Variants in TCL1A observed in about 807,000 individuals in gnomAD.
The protein encoded by TCL1A is TCL1 family AKT coactivator A, also known as T-cell leukemia/lymphoma protein 1A.
A neutral mutation model predicts 16.9 loss-of-function variants in TCL1A; 9 were observed. The observed-to-expected ratio is 0.53, with a 90% CI of 0.32 to 0.93. TCL1A has a LOEUF of 0.93. Among genes scored for constraint, TCL1A ranks in the 40% least tolerant of loss-of-function variants. The probability of loss-of-function intolerance (pLI) is 0.04; values close to 1 mark genes in which losing one functional copy is unlikely to be tolerated. For missense variants in TCL1A, 139 were observed against 153.0 expected, an observed-to-expected ratio of 0.91 and a Z score of 0.48; for synonymous variants, 69 against 63.2, an observed-to-expected ratio of 1.09 and a Z score of -0.44.
chr14:95,711,996 C>CTAGCCGCA, intron 2 of TCL1A, 194 bp from the exon 3 acceptor site: 1 of 868,010 alleles, frequency 1.2e-6, no homozygotes, highest in Non-Finnish European at 1.7e-6. Flanking sequence ...TGTCTTCCTG[C>CTAGCCGCA]GGCTAGCTGG....
intron 1 of TCL1A, among the ~76,000 whole-genome samples, chr14:95,713,181 T>C (rs2139722064): frequency 6.6e-6 from 1 of 152,198 alleles, no homozygotes; most frequent in Admixed American, 6.5e-5. Context: ...TGTGCCTCAG[T>C]TTCCCATCTG....
intron 1 of TCL1A, among the ~76,000 whole-genome samples, chr14:95,713,446 T>G (rs57097455): frequency 6.6e-6 from 1 of 152,202 alleles, no homozygotes; most frequent in Admixed American, 6.5e-5. Context: ...TACCGGCGCT[T>G]ATACTACGAC....
At chr14:95,713,483 T>A (rs546930386) in intron 1 of TCL1A, among the ~76,000 whole-genome samples, 2 of 152,294 alleles carry the variant, frequency 1.3e-5, no homozygotes, top group East Asian at 1.9e-4. Context: ...GTTTTCTAAA[T>A]AAAGCCCAGA....
At position 95,713,984 on chromosome 14, in the gene TCL1A, T is replaced by C. The variant is rs1595068351; in HGVS notation, c.83A>G (p.Asp28Gly). The C allele has an allele frequency of 6.2e-7, 1 of 1,614,034 alleles. No individual in the cohort carries two copies. The highest frequency in any genetic ancestry group is 8.5e-7 in the Non-Finnish European group (1 of 1,180,010). ...LWAWEKFVYLDEKQHAWLPLT... is the reference protein window; with the variant it reads ...LWAWEKFVYLGEKQHAWLPLT... ...GGGCAGCCAGGCGTGCTGCTTCTCG[T>C]CCAAATACACGAACTTCTCCCAGGC... The change falls in exon 1 of 4, where the codon GAC (aspartate) becomes GGC (glycine). Residue 28 changes from aspartate to glycine, a missense_variant. Coordinates refer to ENST00000402399, the MANE Select transcript of TCL1A (RefSeq NM_021966.3).
chr14:95,713,254 T>G, intron 1 of TCL1A, among the ~76,000 whole-genome samples: 1 of 152,324 alleles, frequency 6.6e-6, no homozygotes, highest in Middle Eastern at 3.4e-3. Context: ...TCTAATATAT[T>G]TTTTAATTTT....
chr14:95,713,576 T>G (rs139184818), intron 1 of TCL1A, among the ~76,000 whole-genome samples: 4 of 152,222 alleles, frequency 2.6e-5, no homozygotes, highest in Admixed American at 6.5e-5. Flanking sequence ...TTTTTAAAAA[T>G]ACAGATTTCT....
intron 1 of TCL1A, among the ~76,000 whole-genome samples, chr14:95,713,097 T>C (rs2139721919): frequency 6.6e-6 from 1 of 152,352 alleles, no homozygotes; most frequent in Admixed American, 6.5e-5. Context: ...AATGCAGATT[T>C]TGTGGTGGTT....
chr14:95,713,562 G>T (rs187560020), intron 1 of TCL1A, among the ~76,000 whole-genome samples: 5 of 152,204 alleles, frequency 3.3e-5, no homozygotes, highest in South Asian at 2.1e-4. Context: ...ACTGTTGAGG[G>T]TTCTTTTTAA....
chr14:95,713,577 A>G (rs1886445297), intron 1 of TCL1A, among the ~76,000 whole-genome samples: 1 of 152,284 alleles, frequency 6.6e-6, no homozygotes, highest in East Asian at 1.9e-4. Context: ...TTTTAAAAAT[A>G]CAGATTTCTG....
chr14:95,713,760 C>T (rs141627266), intron 1 of TCL1A, among the ~76,000 whole-genome samples, 187 bp downstream of exon 1: 3 of 152,276 alleles, frequency 2.0e-5, no homozygotes, highest in Admixed American at 6.5e-5. Flanking sequence ...TTGCGGTTTT[C>T]CCACCCTTCT....
chr14:95,714,108 C>T lies in TCL1A; in HGVS notation c.-42G>A, dbSNP rs752906787. The T allele has an allele frequency of 3.0e-5, 48 of 1,607,012 alleles. No individual in the cohort carries two copies. The highest frequency in any genetic ancestry group is 4.1e-5 in the Non-Finnish European group (48 of 1,178,020). ...CTAAGAAGCAAGAGCCAGAGCCTCTCAAGGCCGCTCGCTGGTCCCTGGGAT... is the reference window on the plus strand; with the variant it reads ...CTAAGAAGCAAGAGCCAGAGCCTCTTAAGGCCGCTCGCTGGTCCCTGGGAT... On this transcript the variant is annotated 5_prime_UTR_variant, in exon 1 of 4. Coordinates refer to ENST00000402399, the MANE Select transcript of TCL1A (RefSeq NM_021966.3).
intron 1 of TCL1A, among the ~76,000 whole-genome samples, chr14:95,713,555 G>A (rs753631296): frequency 6.6e-6 from 1 of 152,264 alleles, no homozygotes; most frequent in African/African-American, 2.4e-5. Context: ...ACCCTAAACT[G>A]TTGAGGGTTC....
intron 1 of TCL1A, among the ~76,000 whole-genome samples, 179 bp downstream of exon 1, chr14:95,713,768 T>C (rs1276222321): frequency 6.6e-6 from 1 of 152,258 alleles, no homozygotes; most frequent in Admixed American, 6.5e-5. Flanking sequence ...TTCCCACCCT[T>C]CTTCCCTGCC....
In TCL1A at chr14:95,711,821, G is replaced by C. The variant is rs370455598; in HGVS notation, c.298-19C>G. On this transcript the variant is annotated intron_variant, in intron 2 of 3. Transcript: ENST00000402399. ...CGTCAATCTGAGAGGCAGAGAGAGA[G>C]AGAAGGCATTGATCGGCCAGAGCCC... 6.2e-6 allele frequency: 10 copies of C among 1,607,814 alleles called. No individual in the cohort carries two copies. The highest frequency in any genetic ancestry group is 8.5e-6 in the Non-Finnish European group (10 of 1,179,794).
chr14:95,712,322 G>C lies in TCL1A; in HGVS notation c.195C>G (p.Thr65=), dbSNP rs200758121. 5.0e-6 allele frequency: 8 copies of C among 1,614,126 alleles called. No homozygotes were observed. The highest frequency in any genetic ancestry group is 6.8e-6 in the Non-Finnish European group (8 of 1,180,014). The change falls in exon 2 of 4, where the codon ACC becomes ACG. Residue 65 remains threonine (T), a synonymous_variant. Coordinates refer to ENST00000402399, the MANE Select transcript of TCL1A (RefSeq NM_021966.3). ...TAGGCAGCAGGCTTGGGCCTATCTGGGTGGGGGTCATAGGCCTCCCCAGGA... is the reference window on the plus strand; with the variant it reads ...TAGGCAGCAGGCTTGGGCCTATCTGCGTGGGGGTCATAGGCCTCCCCAGGA... The part of the protein sequence containing the change: ...DVVLGRPMTP[T]QIGPSLLPIM...
Position 95,711,467 on chromosome 14 carries a change from C to CAAA in TCL1A, c.*6+279_*6+281dup, listed in dbSNP as rs1305960722. On this transcript the variant is annotated intron_variant, in intron 3 of 3. Transcript: ENST00000402399. ...CTGGGCCACAGAGCCAGACTCATCTCAAAAAAAAAAAAAAGCAATGGTAAA... is the reference window on the plus strand; with the variant it reads ...CTGGGCCACAGAGCCAGACTCATCTCAAAAAAAAAAAAAAAAAGCAATGGTAAA... 360 of 252,758 alleles carry CAAA rather than the reference C, an allele frequency of 1.4e-3. 4 individuals are homozygous for CAAA. The highest frequency in any genetic ancestry group is 9.5e-3 in the African/African-American group (334 of 35,140). 15.7% of individuals were successfully genotyped at this position (252,758 alleles called of 1,614,324 possible). A position where few individuals can be genotyped will look rare whatever the true frequency, so the allele number is the denominator to read the frequency against.
intron 1 of TCL1A, chr14:95,712,801 GAA>G (rs1566747177): frequency 5.8e-6 from 4 of 690,604 alleles, no homozygotes; most frequent in Non-Finnish European, 6.5e-6. Context: ...AAACAACAAA[GAA>G]AGAAAGAGAG....
Position 95,710,749 on chromosome 14 carries a change from C to T in TCL1A, c.*139G>A, listed in dbSNP as rs867920907. 1 of 152,524 alleles carries T rather than the reference C, an allele frequency of 6.6e-6. No homozygotes were observed. The highest frequency in any genetic ancestry group is 1.5e-5 in the Non-Finnish European group (1 of 68,326). 9.4% of individuals were successfully genotyped at this position (152,524 alleles called of 1,614,324 possible). On this transcript the variant is annotated 3_prime_UTR_variant, in exon 4 of 4. Coordinates refer to ENST00000402399, the MANE Select transcript of TCL1A (RefSeq NM_021966.3). ...GGGTAGAGCTCATCCTCTGTCTGTC[C>T]ATTCCTCCCAGACCCCAGCGTGGTG...
chr14:95,712,367 G>A lies in TCL1A; in HGVS notation c.150C>T (p.Leu50=). The change falls in exon 2 of 4, where the codon CTC becomes CTT. Residue 50 remains leucine (L), a synonymous_variant. Coordinates refer to ENST00000402399, the MANE Select transcript of TCL1A (RefSeq NM_021966.3). ...CCAGGACGACGTCTTCCCGACGCAA[G>A]AGCACCCGTAACTGTAACCTATCCT... ...EIKDRLQLRV[L]LRREDVVLGR... 1 of 1,613,382 alleles carries A rather than the reference G, an allele frequency of 6.2e-7. No individual in the cohort carries two copies. Among genetic ancestry groups the A allele is most frequent in the Non-Finnish European group, 8.5e-7 (1 of 1,179,472 alleles).
Sources: gnomAD v4.1 joint callset for allele counts (sites outside exome capture counted in the v4.1 genomes callset) on GRCh38, gnomAD v4.1.1 for gene constraint, MANE v1.5 for transcripts, NCBI Gene and HGNC (gene_info 2026-07-23, HGNC 2026-07-21) for gene names.